Variants in KIAA1217 observed in about 807,000 individuals in gnomAD.
The protein encoded by KIAA1217 is KIAA1217, also known as sickle tail protein homolog.
Under a neutral mutation model 163.9 loss-of-function variants are expected in KIAA1217, and 88 were observed. The ratio of observed to expected loss-of-function variants is 0.54; its 90% CI spans 0.45 to 0.64. The LOEUF (loss-of-function observed/expected upper bound fraction) is 0.64. KIAA1217 is among the 30% of genes least tolerant of loss of function. The probability of loss-of-function intolerance (pLI) is 0.00; values close to 1 mark genes in which losing one functional copy is unlikely to be tolerated. For synonymous variants in KIAA1217, 903 were observed against 923.1 expected, an observed-to-expected ratio of 0.98 and a Z score of 0.39; for missense variants, 2,372 against 2,475.0, an observed-to-expected ratio of 0.96 and a Z score of 0.88.
chr10:24,444,860 G>A (rs538526818), intron 5 of KIAA1217, among the ~76,000 whole-genome samples: 15 of 152,150 alleles, frequency 9.9e-5, no homozygotes, highest in Non-Finnish European at 1.8e-4. Context: ...CATTTGTGGC[G>A]TGTGTTTTGT....
At chr10:23,917,655 G>A (rs530062733) in intron 1 of KIAA1217, among the ~76,000 whole-genome samples, 1 of 152,360 alleles carries the variant, frequency 6.6e-6, no homozygotes, top group Admixed American at 6.5e-5. Context: ...AAAGGTCAAT[G>A]CAAAAGAGTC....
chr10:24,294,181 CCGT>C (rs1334288933), intron 2 of KIAA1217, among the ~76,000 whole-genome samples: 1 of 89,526 alleles, frequency 1.1e-5, no homozygotes, highest in Non-Finnish European at 2.0e-5. Flanking sequence ...GAGCGAGACT[CCGT>C]CTCAAAAAAA....
chr10:24,465,642 G>T (rs1418195630), intron 5 of KIAA1217, among the ~76,000 whole-genome samples: 2 of 152,214 alleles, frequency 1.3e-5, no homozygotes, highest in Admixed American at 1.3e-4. Context: ...ATCAGAGCCT[G>T]CCTGGGAGCG....
At chr10:23,869,814 C>A (rs1390736140) in intron 1 of KIAA1217, among the ~76,000 whole-genome samples, 1 of 152,092 alleles carries the variant, frequency 6.6e-6, no homozygotes, top group Non-Finnish European at 1.5e-5. Flanking sequence ...ACACTATTCC[C>A]AGGAAGTTCC....
In KIAA1217 at chr10:24,323,884, T is replaced by C. The variant is rs530568313; in HGVS notation, c.355-56985T>C. Among the ~76,000 whole-genome samples the C allele has an allele frequency of 2.0e-5, 3 of 151,494 alleles. No individual in the cohort carries two copies. The South Asian group carries it at 6.3e-4, about 32-fold the overall frequency. On this transcript the variant is annotated intron_variant, in intron 2 of 20. Coordinates refer to ENST00000376454, the MANE Select transcript of KIAA1217 (RefSeq NM_019590.5). ...CGTATTTCTTCTTAGTACCTGAGAG[T>C]TAATGTATCCTAGTTAATTAATGAT...
chr10:23,715,659 A>C (rs1564361306), intron 1 of KIAA1217, among the ~76,000 whole-genome samples: 1 of 152,118 alleles, frequency 6.6e-6, no homozygotes, highest in African/African-American at 2.4e-5. Context: ...CTAACATGTA[A>C]ATTTGAGAAT....
chr10:23,848,488 C>T (rs1320398521), intron 1 of KIAA1217, among the ~76,000 whole-genome samples: 1 of 151,968 alleles, frequency 6.6e-6, no homozygotes, highest in East Asian at 1.9e-4. Flanking sequence ...TCTCTATTTA[C>T]ATGTCAAAAC....
At chr10:24,381,681 G>A (rs1201308592) in intron 3 of KIAA1217, among the ~76,000 whole-genome samples, 1 of 152,162 alleles carries the variant, frequency 6.6e-6, no homozygotes, top group Non-Finnish European at 1.5e-5. Context: ...AAAAATTAGG[G>A]ACCAGTGCTC....
At chr10:24,279,515 T>C (rs1194168517) in intron 2 of KIAA1217, among the ~76,000 whole-genome samples, 1 of 152,132 alleles carries the variant, frequency 6.6e-6, no homozygotes, top group Non-Finnish European at 1.5e-5. Flanking sequence ...AATGAAGTGT[T>C]TGTGAAAGGG....
intron 1 of KIAA1217, among the ~76,000 whole-genome samples, chr10:23,834,888 C>T (rs1490847764): frequency 6.6e-6 from 1 of 151,984 alleles, no homozygotes; most frequent in East Asian, 1.9e-4. Flanking sequence ...AGCATTCAGA[C>T]GTATTCATAA....
chr10:24,005,945 A>G (rs1204124443), intron 1 of KIAA1217, among the ~76,000 whole-genome samples: 1 of 152,182 alleles, frequency 6.6e-6, no homozygotes, highest in East Asian at 1.9e-4. Flanking sequence ...AAGAACTTAT[A>G]GCTTCATGTT....
intron 1 of KIAA1217, among the ~76,000 whole-genome samples, chr10:23,805,662 C>A (rs769552299): frequency 6.6e-6 from 1 of 151,956 alleles, no homozygotes; most frequent in African/African-American, 2.4e-5. Flanking sequence ...TTAACATGTA[C>A]CACTGAACTT....
intron 2 of KIAA1217, among the ~76,000 whole-genome samples, chr10:24,281,100 T>G (rs1429872398): frequency 6.6e-6 from 1 of 152,208 alleles, no homozygotes; most frequent in Non-Finnish European, 1.5e-5. Context: ...AGTTTTCATT[T>G]TAGAACAGTT....
At chr10:24,296,778 C>T (rs1023638446) in intron 2 of KIAA1217, among the ~76,000 whole-genome samples, 2 of 151,984 alleles carry the variant, frequency 1.3e-5, no homozygotes, top group Non-Finnish European at 2.9e-5. Context: ...TTGGCCTTCG[C>T]GAAGAAGGAT....
chr10:24,010,146 T>C (rs1279156483), intron 2 of KIAA1217, among the ~76,000 whole-genome samples: 1 of 152,100 alleles, frequency 6.6e-6, no homozygotes, highest in Non-Finnish European at 1.5e-5. Flanking sequence ...TTTAGCTTAC[T>C]TTAAGTTTCA....
intron 1 of KIAA1217, among the ~76,000 whole-genome samples, chr10:23,916,726 C>A (rs992875780): frequency 1.3e-5 from 2 of 152,094 alleles, no homozygotes; most frequent in African/African-American, 4.8e-5. Flanking sequence ...ATAATCTCAG[C>A]ACTTAGGGAG....
intron 2 of KIAA1217, among the ~76,000 whole-genome samples, chr10:24,356,088 C>T (rs2049069159): frequency 6.6e-6 from 1 of 152,036 alleles, no homozygotes; most frequent in Non-Finnish European, 1.5e-5. Context: ...TTTAGGGTCT[C>T]TTCTCTTTCT....
chr10:24,353,611 G>C (rs1346176786), intron 2 of KIAA1217, among the ~76,000 whole-genome samples: 2 of 152,062 alleles, frequency 1.3e-5, no homozygotes, highest in Non-Finnish European at 2.9e-5. Flanking sequence ...TTCTAATTTT[G>C]CTGAGGGGCT....
At chr10:24,166,160 G>A (rs979731460) in intron 2 of KIAA1217, among the ~76,000 whole-genome samples, 2 of 151,356 alleles carry the variant, frequency 1.3e-5, no homozygotes, top group Non-Finnish European at 2.9e-5. Flanking sequence ...ATAAAACTGA[G>A]TGATTGAAAA....
Sources: gnomAD v4.1 joint callset for allele counts (sites outside exome capture counted in the v4.1 genomes callset) on GRCh38, gnomAD v4.1.1 for gene constraint, MANE v1.5 for transcripts, NCBI Gene and HGNC (gene_info 2026-07-23, HGNC 2026-07-21) for gene names.